Variants in TMEM87A observed in about 807,000 individuals in gnomAD.
TMEM87A encodes the protein Golgi-pH regulating cation channel.
A neutral mutation model predicts 90.0 loss-of-function variants in TMEM87A; 50 were observed. The observed-to-expected ratio is 0.56, with a 90% CI of 0.44 to 0.70. TMEM87A has a LOEUF of 0.70. TMEM87A is among the 30% of genes least tolerant of loss of function. The pLI is 0.00. For synonymous variants in TMEM87A, 226 were observed against 226.7 expected (o/e 1.00, Z 0.03); for missense variants, 577 against 660.5 (o/e 0.87, Z 1.39).
At chr15:42,223,067 C>A (rs2050524275) in intron 15 of TMEM87A, among the ~76,000 whole-genome samples, 1 of 152,064 alleles carries the variant, frequency 6.6e-6, no homozygotes, top group Non-Finnish European at 1.5e-5. Flanking sequence ...TTAGAACAAA[C>A]AAAATATTGG....
rs140400607 is a variant in TMEM87A at position 42,273,285 on chromosome 15, G to C, written c.114C>G (p.Asp38Glu). 5 of 1,614,024 alleles carry C rather than the reference G, an allele frequency of 3.1e-6. No homozygotes were observed. In the Admixed American group the frequency reaches 6.7e-5, roughly 22 times the overall value. ...SAGPATVAAA[D>E]RSKWHIPIPS... Reference sequence around the variant, plus strand: ...GTATCGGAATGTGCCATTTGGACCGGTCGGCAGCAGCTACGGTTGCCGGTC... The same window carrying C: ...GTATCGGAATGTGCCATTTGGACCGCTCGGCAGCAGCTACGGTTGCCGGTC... Residue 38 changes from aspartate to glutamate, a missense_variant, in exon 1 of 20, where the codon GAC becomes GAG. By Grantham distance (45) the Asp-to-Glu change is conservative. Transcript: ENST00000389834.
At chr15:42,272,530 C>T (rs1345601210) in intron 1 of TMEM87A, 1 of 200,952 alleles carries the variant, frequency 5.0e-6, no homozygotes, top group Non-Finnish European at 1.0e-5. Flanking sequence ...TTTAATGGGG[C>T]TAATGCTTTT....
chr15:42,268,030 C>T lies in TMEM87A; in HGVS notation c.208G>A (p.Asp70Asn). The T allele has an allele frequency of 1.2e-6, 2 of 1,611,468 alleles. No homozygotes were observed. The highest frequency in any genetic ancestry group is 2.2e-5 in the East Asian group (1 of 44,712). Reference sequence around the variant, plus strand: ...AAAGACAGGTCACAAGGTTCTCCATCAACTACAAAAGAAGAAATCTTTGTT... The same window carrying T: ...AAAGACAGGTCACAAGGTTCTCCATTAACTACAAAAGAAGAAATCTTTGTT... Reference protein sequence around the residue: ...FRNTTIFLKFDGEPCDLSLNI... With the variant: ...FRNTTIFLKFNGEPCDLSLNI... Residue 70 changes from aspartate (D) to asparagine (N), a missense_variant and splice_region_variant, in exon 3 of 20, where the codon GAT (aspartate) becomes AAT (asparagine). Asp to Asn is a conservative substitution (Grantham distance 23, BLOSUM62 1). Coordinates refer to ENST00000389834, the MANE Select transcript of TMEM87A (RefSeq NM_015497.5).
intron 10 of TMEM87A, among the ~76,000 whole-genome samples, chr15:42,233,598 G>T (rs962198271): frequency 1.8e-4 from 27 of 151,928 alleles, no homozygotes; most frequent in African/African-American, 5.3e-4. Flanking sequence ...CTTCACCAAG[G>T]CCCAACAACC....
chr15:42,221,415 C>G (rs1420249089), intron 15 of TMEM87A, among the ~76,000 whole-genome samples: 1 of 152,058 alleles, frequency 6.6e-6, no homozygotes, highest in Non-Finnish European at 1.5e-5. Flanking sequence ...AAATTTAAAT[C>G]AGAAGTTACA....
At chr15:42,266,473 G>T (rs905170513) in intron 3 of TMEM87A, among the ~76,000 whole-genome samples, 1 of 149,842 alleles carries the variant, frequency 6.7e-6, no homozygotes, top group African/African-American at 2.5e-5. Context: ...CTGAGATCGC[G>T]CCACTGCACT....
chr15:42,243,345 T>C (rs982057453), intron 7 of TMEM87A, among the ~76,000 whole-genome samples: 1 of 149,408 alleles, frequency 6.7e-6, no homozygotes, highest in Admixed American at 6.6e-5. Flanking sequence ...GGAAAGGAAA[T>C]TGCAAAAACA....
chr15:42,270,216 C>T (rs1362331326), intron 2 of TMEM87A, among the ~76,000 whole-genome samples: 1 of 151,260 alleles, frequency 6.6e-6, no homozygotes, highest in Non-Finnish European at 1.5e-5. Context: ...GCTAAAAATA[C>T]AAAAATTAGC....
At chr15:42,264,302 A>G (rs2051355563) in intron 3 of TMEM87A, 99 bp from the exon 4 acceptor site, 1 of 744,616 alleles carries the variant, frequency 1.3e-6, no homozygotes, top group African/African-American at 1.8e-5. Flanking sequence ...TACAGATACA[A>G]TTTTGAGTTT....
In TMEM87A at chr15:42,244,100, G is replaced by A; in HGVS notation, c.572C>T (p.Ser191Leu). ...TTCTTTTGATGATTCCTTTGAGGATGAAATGCCAATATGTACAATAAAAAT... is the reference window on the plus strand; with the variant it reads ...TTCTTTTGATGATTCCTTTGAGGATAAAATGCCAATATGTACAATAAAAAT... Reference protein sequence around the residue: ...PYIFIVHIGISSSKESSKENS... With the variant: ...PYIFIVHIGILSSKESSKENS... The change falls in exon 7 of 20, where the codon TCA (serine) becomes TTA (leucine). Residue 191 changes from serine to leucine, a missense_variant. Coordinates refer to ENST00000389834, the MANE Select transcript of TMEM87A (RefSeq NM_015497.5). 1.9e-6 allele frequency: 3 copies of A among 1,580,468 alleles called. No homozygotes were observed. The South Asian group carries it at 3.6e-5, about 19-fold the overall frequency.
chr15:42,247,755 G>C (rs917983525), intron 6 of TMEM87A, among the ~76,000 whole-genome samples: 1 of 152,192 alleles, frequency 6.6e-6, no homozygotes, highest in African/African-American at 2.4e-5. Context: ...GCTTAGGATT[G>C]TCTTGGCAAT....
Position 42,243,335 on chromosome 15 carries a change from G to A in TMEM87A, c.622+715C>T, listed in dbSNP as rs193268147. On this transcript the variant is annotated intron_variant, in intron 7 of 19. Transcript: ENST00000389834. Reference sequence around the variant, plus strand: ...AAATAAAAAAAAAGAAAGCAGGGGAGGAAAGGAAATTGCAAAAACACAAAG... The same window carrying A: ...AAATAAAAAAAAAGAAAGCAGGGGAAGAAAGGAAATTGCAAAAACACAAAG... Among the ~76,000 whole-genome samples, 1,062 of 150,380 alleles carry A rather than the reference G, an allele frequency of 7.1e-3. 10 individuals carry two copies. The highest frequency in any genetic ancestry group is 0.025 in the African/African-American group (1,012 of 41,074).
At position 42,219,588 on chromosome 15, in the gene TMEM87A, T is replaced by C. The variant is rs566115355; in HGVS notation, c.1532A>G (p.Asn511Ser). 1.3e-5 allele frequency: 20 copies of C among 1,599,052 alleles called. No homozygotes were observed. The South Asian group carries it at 2.3e-4, about 18-fold the overall frequency. ...TGGAAAAGTCATACTTACTGCTTTG[T>C]TAACTTTACTATTTCCATTGGGTTC... ...KQEPNGNSKV[N>S]KAQEDDLKWV... Residue 511 changes from asparagine (N) to serine (S), a missense_variant, in exon 17 of 20, where the codon AAC (asparagine) becomes AGC (serine). Coordinates refer to ENST00000389834, the MANE Select transcript of TMEM87A (RefSeq NM_015497.5).
chr15:42,218,390 C>A lies in TMEM87A; in HGVS notation c.1540-12G>T, dbSNP rs751483918. ...AAATCATCTTCCTGCTGGGAACATA[C>A]AAATACCACTCATTACTAAAATGCA... On this transcript the variant is annotated splice_polypyrimidine_tract_variant and intron_variant, in intron 17 of 19. Transcript: ENST00000389834. 2 of 1,612,932 alleles carry A rather than the reference C, an allele frequency of 1.2e-6. No homozygotes were observed. Among genetic ancestry groups the A allele is most frequent in the South Asian group, 1.1e-5 (1 of 91,012 alleles).
At chr15:42,221,417 G>A (rs773313014) in intron 15 of TMEM87A, among the ~76,000 whole-genome samples, 3 of 152,152 alleles carry the variant, frequency 2.0e-5, no homozygotes, top group Non-Finnish European at 4.4e-5. Flanking sequence ...ATTTAAATCA[G>A]AAGTTACAAA....
intron 2 of TMEM87A, 102 bp from the exon 3 acceptor site, chr15:42,268,134 G>T: frequency 1.3e-6 from 1 of 790,812 alleles, no homozygotes; most frequent in Non-Finnish European, 2.0e-6. Context: ...CCTAAACTGA[G>T]ATACTCAAAG....
chr15:42,217,700 G>T, intron 19 of TMEM87A, 103 bp downstream of exon 19: 1 of 1,085,852 alleles, frequency 9.2e-7, no homozygotes, highest in Non-Finnish European at 1.4e-6. Flanking sequence ...TAGTTTTCAG[G>T]CCACTACTGA....
intron 19 of TMEM87A, among the ~76,000 whole-genome samples, chr15:42,216,140 G>A (rs897487020): frequency 2.6e-5 from 4 of 152,182 alleles, no homozygotes; most frequent in African/African-American, 9.7e-5. Context: ...GCCACAGGGG[G>A]ACAAATGCTG....
intron 9 of TMEM87A, among the ~76,000 whole-genome samples, chr15:42,237,216 T>G (rs902890152): frequency 6.6e-6 from 1 of 152,238 alleles, no homozygotes; most frequent in Non-Finnish European, 1.5e-5. Context: ...ACTACTGTTG[T>G]GACTTTTGTG....
Sources: allele counts gnomAD v4.1 joint callset (sites outside exome capture counted in the v4.1 genomes callset), GRCh38; gene constraint gnomAD v4.1.1; transcripts MANE v1.5; gene names NCBI Gene and HGNC (gene_info 2026-07-23, HGNC 2026-07-21).